The following CNTNAP2 variants were observed in gnomAD, a reference collection of about 807,000 sequenced individuals.
CNTNAP2 encodes contactin associated protein 2, also known as contactin-associated protein-like 2.
In CNTNAP2, 98 loss-of-function variants were observed where a neutral mutation model predicts 155.2. The ratio of observed to expected loss-of-function variants is 0.63; its 90% confidence interval spans 0.54 to 0.75. CNTNAP2 has a LOEUF of 0.75. CNTNAP2 is among the 30% of genes least tolerant of loss of function. CNTNAP2 has a pLI of 0.00. For missense variants in CNTNAP2, 1,727 were observed against 1,688.1 expected (o/e 1.02, Z -0.40); for synonymous variants, 651 against 631.2 (o/e 1.03, Z -0.47).
chr7:147,048,096 A>G (rs1003218200), intron 4 of CNTNAP2, among the ~76,000 whole-genome samples: 2 of 105,698 alleles, frequency 1.9e-5, no homozygotes, highest in Non-Finnish European at 3.5e-5. Flanking sequence ...TTTTTTTGAG[A>G]TGGAGTCTCG....
At chr7:147,428,470 G>A (rs542937496) in intron 10 of CNTNAP2, among the ~76,000 whole-genome samples, 4 of 152,094 alleles carry the variant, frequency 2.6e-5, no homozygotes, top group East Asian at 1.9e-4. Flanking sequence ...TACAATTAGC[G>A]TTACATAAAT....
intron 21 of CNTNAP2, among the ~76,000 whole-genome samples, chr7:148,369,165 A>T (rs939924605): frequency 2.2e-5 from 3 of 133,890 alleles, no homozygotes; most frequent in Non-Finnish European, 3.2e-5. Context: ...TATTTTTTTT[A>T]ATTAAAATTG....
chr7:147,141,478 A>G (rs1365079714), intron 8 of CNTNAP2, among the ~76,000 whole-genome samples: 2 of 152,074 alleles, frequency 1.3e-5, no homozygotes, highest in Admixed American at 6.6e-5. Flanking sequence ...TAATGTACAC[A>G]ACGGTTTTAA....
intron 1 of CNTNAP2, among the ~76,000 whole-genome samples, chr7:146,688,111 C>A (rs117884985): frequency 0.022 from 3,306 of 152,134 alleles, 41 homozygotes; most frequent in Middle Eastern, 0.041. Context: ...GAGGGAATCC[C>A]ACAGCATTAA....
At chr7:146,653,802 C>G (rs1799953239) in intron 1 of CNTNAP2, among the ~76,000 whole-genome samples, 1 of 151,946 alleles carries the variant, frequency 6.6e-6, no homozygotes, top group Non-Finnish European at 1.5e-5. Context: ...ACATTTTTGG[C>G]TGAAAGGAAA....
intron 1 of CNTNAP2, among the ~76,000 whole-genome samples, chr7:146,271,008 T>C (rs1800073763): frequency 6.6e-6 from 1 of 152,168 alleles, no homozygotes; most frequent in African/African-American, 2.4e-5. Flanking sequence ...AAAGTTAGTT[T>C]GGAGTCAAAT....
At chr7:148,374,715 T>C (rs963738085) in intron 21 of CNTNAP2, among the ~76,000 whole-genome samples, 9 of 152,218 alleles carry the variant, frequency 5.9e-5, no homozygotes, top group African/African-American at 9.6e-5. Flanking sequence ...CAAGATAAAA[T>C]GCAAAAGTGG....
chr7:146,301,003 G>A (rs955803882), intron 1 of CNTNAP2, among the ~76,000 whole-genome samples: 1 of 152,134 alleles, frequency 6.6e-6, no homozygotes, highest in Non-Finnish European at 1.5e-5. Context: ...GCTTTCACCT[G>A]AATTTTACAA....
intron 3 of CNTNAP2, among the ~76,000 whole-genome samples, chr7:146,942,256 G>T (rs1188303062): frequency 1.3e-5 from 2 of 152,032 alleles, no homozygotes; most frequent in African/African-American, 4.8e-5. Flanking sequence ...TAAACTATCA[G>T]TGAAACAGTG....
chr7:147,490,510 A>G (rs1798588125), intron 11 of CNTNAP2, among the ~76,000 whole-genome samples: 1 of 152,164 alleles, frequency 6.6e-6, no homozygotes, highest in African/African-American at 2.4e-5. Context: ...CCTATAATTG[A>G]TATAATTCAA....
chr7:147,719,089 A>T (rs1796525702), intron 13 of CNTNAP2, among the ~76,000 whole-genome samples: 1 of 152,134 alleles, frequency 6.6e-6, no homozygotes, highest in African/African-American at 2.4e-5. Context: ...ATTAAAAGGG[A>T]TAGTTAAAGA....
intron 3 of CNTNAP2, among the ~76,000 whole-genome samples, chr7:146,880,374 G>A (rs1403438227): frequency 6.6e-6 from 1 of 151,836 alleles, no homozygotes; most frequent in African/African-American, 2.4e-5. Context: ...TGTAAGCCAG[G>A]AAAAGGGCCC....
intron 14 of CNTNAP2, among the ~76,000 whole-genome samples, chr7:147,947,867 T>G (rs1285982997): frequency 6.6e-6 from 1 of 152,182 alleles, no homozygotes; most frequent in African/African-American, 2.4e-5. Context: ...TTTCATTTTT[T>G]TAAAATGATT....
intron 22 of CNTNAP2, among the ~76,000 whole-genome samples, chr7:148,386,816 A>G (rs766770164): frequency 3.9e-5 from 6 of 152,136 alleles, no homozygotes; most frequent in African/African-American, 9.7e-5. Context: ...TGCATATAGG[A>G]GCTTGAAAAA....
intron 10 of CNTNAP2, among the ~76,000 whole-genome samples, chr7:147,402,845 C>T (rs1796939862): frequency 6.6e-6 from 1 of 151,000 alleles, no homozygotes; most frequent in Non-Finnish European, 1.5e-5. Flanking sequence ...CCTCAAAGGC[C>T]ATCATAGGAT....
At chr7:146,353,471 T>C (rs1180905571) in intron 1 of CNTNAP2, among the ~76,000 whole-genome samples, 1 of 152,210 alleles carries the variant, frequency 6.6e-6, no homozygotes, top group Non-Finnish European at 1.5e-5. Flanking sequence ...GATTGCATAG[T>C]GTTTTATGCA....
intron 1 of CNTNAP2, among the ~76,000 whole-genome samples, chr7:146,724,533 A>C (rs1349052675): frequency 1.5e-5 from 2 of 135,680 alleles, no homozygotes; most frequent in Admixed American, 1.5e-4. Context: ...TGAGCCTCTG[A>C]CTTTAGAAGC....
intron 2 of CNTNAP2, among the ~76,000 whole-genome samples, chr7:146,782,509 G>T (rs1000320967): frequency 6.6e-6 from 1 of 152,084 alleles, no homozygotes; most frequent in Non-Finnish European, 1.5e-5. Context: ...ACAAGCATGG[G>T]ATTAGCAAAT....
Position 146,954,615 on chromosome 7 carries a change from T to A in CNTNAP2, c.403-89292T>A, listed in dbSNP as rs1797394818. 2.0e-5 allele frequency among the ~76,000 whole-genome samples: 3 copies of A among 152,058 alleles called. No individual in the cohort carries two copies. In the South Asian group the frequency reaches 6.2e-4, roughly 31 times the overall value. ...TTTTAAATATTTTTTTTCCCTATTCTGTGCTTTTTCACATTGTTTCTATAT... is the reference window on the plus strand; with the variant it reads ...TTTTAAATATTTTTTTTCCCTATTCAGTGCTTTTTCACATTGTTTCTATAT... On this transcript the variant is annotated intron_variant, in intron 3 of 23. Coordinates refer to ENST00000361727, the MANE Select transcript of CNTNAP2 (RefSeq NM_014141.6).
Sources: allele counts gnomAD v4.1 joint callset (sites outside exome capture counted in the v4.1 genomes callset), GRCh38; gene constraint gnomAD v4.1.1; transcripts MANE v1.5; gene names NCBI Gene and HGNC (gene_info 2026-07-23, HGNC 2026-07-21).